UNC13A: variants seen among roughly 807,000 people sequenced by gnomAD.
The protein encoded by UNC13A is protein unc-13 homolog A.
In UNC13A, 61 loss-of-function variants were observed where a neutral mutation model predicts 219.7. That is an observed-to-expected ratio of 0.28 (90% confidence interval 0.23 to 0.34). UNC13A has a LOEUF of 0.34. UNC13A is among the 10% of genes least tolerant of loss of function. The pLI is 1.00. For missense variants in UNC13A, 1,476 were observed against 2,270.3 expected, an observed-to-expected ratio of 0.65 and a Z score of 7.11; for synonymous variants, 920 against 884.6, an observed-to-expected ratio of 1.04 and a Z score of -0.71.
rs1008076531 is a variant in UNC13A at position 17,627,781 on chromosome 19, G to C, written c.3831+82C>G. 9 of 1,443,774 alleles carry C rather than the reference G, an allele frequency of 6.2e-6. No homozygotes were observed. In the Admixed American group the frequency reaches 1.4e-4, roughly 22 times the overall value. 89.4% of individuals were successfully genotyped at this position (1,443,774 alleles called of 1,614,324 possible). A position where few individuals can be genotyped will look rare whatever the true frequency, so the allele number is the denominator to read the frequency against. Reference sequence around the variant, plus strand: ...CTGGAATTCATCCCCAGGCCTGGTGGCATATGAGCTCAGGGGCCTGCAGGG... The same window carrying C: ...CTGGAATTCATCCCCAGGCCTGGTGCCATATGAGCTCAGGGGCCTGCAGGG... On this transcript the variant is annotated intron_variant, in intron 32 of 43. Coordinates refer to ENST00000519716, the MANE Select transcript of UNC13A (RefSeq NM_001080421.3). This position sits in a 1 kb window ranked among gnomAD's most constrained non-coding sequence, Gnocchi z 4.7.
Position 17,676,201 on chromosome 19 carries a change from A to T in UNC13A, c.23-160T>A, listed in dbSNP as rs559720232. On this transcript the variant is annotated intron_variant, in intron 1 of 43. Transcript: ENST00000519716. ...ATAAAAAGCAAAAGAGACAGATGTT[A>T]AAAAAGAAAGATAGAAGCAATGTCA... The T allele has an allele frequency of 2.2e-5, 18 of 809,600 alleles. No homozygotes were observed. The African/African-American group carries it at 2.5e-4, about 11-fold the overall frequency. The allele number at this position is 809,600 out of a possible 1,614,324, so 50.2% of individuals were successfully genotyped here. A position where few individuals can be genotyped will look rare whatever the true frequency, so the allele number is the denominator to read the frequency against.
In UNC13A at chr19:17,649,543, C is replaced by G; in HGVS notation, c.1484G>C (p.Arg495Pro). 6.2e-7 allele frequency: 1 copy of G among 1,613,860 alleles called. No individual in the cohort carries two copies. Among genetic ancestry groups the G allele is most frequent in the South Asian group, 1.1e-5 (1 of 91,074 alleles). The change falls in exon 13 of 44, where the codon CGC becomes CCC. Residue 495 changes from arginine to proline, a missense_variant. Around this residue, in one of 14 missense-constraint regions of UNC13A, gnomAD observed 85 missense variants for 211.5 expected, o/e 0.40. Transcript: ENST00000519716. This position sits in a 1 kb window ranked among gnomAD's most constrained non-coding sequence, Gnocchi z 4.4. The stretch of plus-strand genomic sequence containing the variant: ...CACGAGTGGGATAGGTTTCCTCTTG[C>G]GGATGTCTGGCATGCTGTCGATGAT... ...LIIIDSMPDI[R>P]KRKPIPLVSD...
chr19:17,663,218 G>C (rs1240135637), intron 8 of UNC13A, among the ~76,000 whole-genome samples: 1 of 152,018 alleles, frequency 6.6e-6, no homozygotes, highest in Non-Finnish European at 1.5e-5. Context: ...ACGGCGGAGT[G>C]GGGTGCGGGG....
chr19:17,653,967 C>T (rs2079402308), intron 11 of UNC13A, among the ~76,000 whole-genome samples: 1 of 151,936 alleles, frequency 6.6e-6, no homozygotes, highest in Non-Finnish European at 1.5e-5. Flanking sequence ...GCTGGGACTA[C>T]AGGCGCCTGC....
intron 2 of UNC13A, among the ~76,000 whole-genome samples, chr19:17,675,273 G>A (rs2079875166): frequency 6.6e-6 from 1 of 151,972 alleles, no homozygotes; most frequent in African/African-American, 2.4e-5. Context: ...GGTTGAGGCT[G>A]TAGTAAAACA....
At chr19:17,660,964 G>A (rs1405897503) in intron 8 of UNC13A, among the ~76,000 whole-genome samples, 1 of 151,578 alleles carries the variant, frequency 6.6e-6, no homozygotes, top group Non-Finnish European at 1.5e-5. Flanking sequence ...TTAGAGACAG[G>A]GTCTCACACT....
intron 7 of UNC13A, among the ~76,000 whole-genome samples, chr19:17,666,071 T>C: frequency 4.6e-5 from 7 of 150,996 alleles, no homozygotes; most frequent in African/African-American, 1.5e-4. Flanking sequence ...CTCTTTCCTT[T>C]CCTTCCTTTC....
rs1293421672 is a variant in UNC13A, at chr19:17,674,599, C to T, written c.152+58G>A. ...CAGTGTCCAGCTCTGCCCTGAGGGGCCAGCGAGGTGCTGGGCTATGCCAGG... is the reference window on the plus strand; with the variant it reads ...CAGTGTCCAGCTCTGCCCTGAGGGGTCAGCGAGGTGCTGGGCTATGCCAGG... On this transcript the variant is annotated intron_variant, in intron 3 of 43. Transcript: ENST00000519716. This position sits in a 1 kb window ranked among gnomAD's most constrained non-coding sequence, Gnocchi z 5.0. The T allele has an allele frequency of 3.3e-6, 5 of 1,513,304 alleles. No homozygotes were observed. The highest frequency in any genetic ancestry group is 4.6e-6 in the Non-Finnish European group (5 of 1,093,576). The allele number at this position is 1,513,304 out of a possible 1,614,324, so 93.7% of individuals were successfully genotyped here.
At chr19:17,631,961 A>C (rs947293807) in intron 28 of UNC13A, among the ~76,000 whole-genome samples, 2 of 152,054 alleles carry the variant, frequency 1.3e-5, no homozygotes, top group Non-Finnish European at 2.9e-5. Flanking sequence ...CCCCAGCTGG[A>C]ATCCAGTGGT....
intron 36 of UNC13A, chr19:17,622,765 C>G (rs2076741968): frequency 6.5e-6 from 1 of 153,520 alleles, no homozygotes; most frequent in Non-Finnish European, 1.5e-5. Context: ...TGGGTTCAGG[C>G]AATACTGAGA....
In UNC13A at chr19:17,639,991, A is replaced by G; in HGVS notation, c.2788-83T>C. On this transcript the variant is annotated intron_variant, in intron 22 of 43. Transcript: ENST00000519716. ...GCTGAGCGCCTACTGTACAGTAAGT[A>G]TACCTCATCCACCACCCTCATAATG... The G allele has an allele frequency of 3.0e-6, 4 of 1,336,158 alleles. No homozygotes were observed. The South Asian group carries it at 4.7e-5, about 16-fold the overall frequency. 82.8% of individuals were successfully genotyped at this position (1,336,158 alleles called of 1,614,324 possible).
chr19:17,647,428 G>C lies in UNC13A; in HGVS notation c.1881C>G (p.Leu627=), dbSNP rs754998156. ...EDRTQNIIMV[L]KDRMKIRERN... Reference sequence around the variant, plus strand: ...GCTCCCGGATCTTCATGCGGTCCTTGAGCACCATGATGATGTTCTGTGTCC... The same window carrying C: ...GCTCCCGGATCTTCATGCGGTCCTTCAGCACCATGATGATGTTCTGTGTCC... The change falls in exon 17 of 44, where the codon CTC becomes CTG. Residue 627 remains leucine (L), a synonymous_variant. Transcript: ENST00000519716. 55 of 1,613,622 alleles carry C rather than the reference G, an allele frequency of 3.4e-5. No homozygotes were observed. Among genetic ancestry groups the C allele is most frequent in the Middle Eastern group, 1.6e-4 (1 of 6,082 alleles).
Position 17,669,676 on chromosome 19 carries a change from C to T in UNC13A, c.271G>A (p.Glu91Lys). ...AGCGTCAGCCACTCTCCAGGGCCCT[C>T]CTGGGGGTTGGGGGAGGAGGTGTGT... Reference protein sequence around the residue: ...PLRTIRQSNEEGPGEWLTLDS... With the variant: ...PLRTIRQSNEKGPGEWLTLDS... Residue 91 changes from glutamate to lysine, a missense_variant and splice_region_variant, in exon 5 of 44, where the codon GAG (glutamate) becomes AAG (lysine). Glu to Lys is a moderately conservative substitution (Grantham distance 56). Coordinates refer to ENST00000519716, the MANE Select transcript of UNC13A (RefSeq NM_001080421.3). 6.2e-7 allele frequency: 1 copy of T among 1,607,502 alleles called. No homozygotes were observed. The highest frequency in any genetic ancestry group is 8.5e-7 in the Non-Finnish European group (1 of 1,177,152).
In UNC13A at chr19:17,617,805, C is replaced by G. The variant is rs752732706; in HGVS notation, c.4455G>C (p.Leu1485=). 6.2e-7 allele frequency: 1 copy of G among 1,613,948 alleles called. No individual in the cohort carries two copies. The highest frequency in any genetic ancestry group is 8.5e-7 in the Non-Finnish European group (1 of 1,179,850). The change falls in exon 41 of 44, where the codon CTG becomes CTC. Residue 1485 remains leucine (L), a synonymous_variant. Transcript: ENST00000519716. Reference sequence around the variant, plus strand: ...AGGATTGCAGGTCCGGGCTCTTCTCCAGGAAGGTCTTCTTGAGGCCCACGC... The same window carrying G: ...AGGATTGCAGGTCCGGGCTCTTCTCGAGGAAGGTCTTCTTGAGGCCCACGC... ...AGGVGLKKTF[L]EKSPDLQSLR...
intron 12 of UNC13A, among the ~76,000 whole-genome samples, chr19:17,652,304 G>A (rs916966711): frequency 1.3e-5 from 2 of 151,942 alleles, no homozygotes; most frequent in African/African-American, 2.4e-5. Context: ...GCTAATTTTT[G>A]TGTTTTTAGT....
chr19:17,681,173 C>A (rs116035892), intron 1 of UNC13A, among the ~76,000 whole-genome samples: 2,033 of 144,362 alleles, frequency 0.014, 24 homozygotes, highest in Middle Eastern at 0.032. Flanking sequence ...GTTGGAATTA[C>A]AGGCGTGAAC....
chr19:17,631,027 C>T (rs557729413), intron 28 of UNC13A, among the ~76,000 whole-genome samples: 1 of 124,898 alleles, frequency 8.0e-6, no homozygotes, highest in Non-Finnish European at 1.7e-5. Context: ...GGTTTATTCT[C>T]TGAGTCCTCT....
chr19:17,639,983 C>G, intron 22 of UNC13A, 75 bp from the exon 23 acceptor site: 1 of 1,426,580 alleles, frequency 7.0e-7, no homozygotes, highest in Non-Finnish European at 9.9e-7. Flanking sequence ...GCCTACTGTA[C>G]AGTAAGTATA....
rs757211083 is a variant in UNC13A at position 17,655,286 on chromosome 19, C to T, written c.1380G>A (p.Met460Ile). ...NWLRAFNKVR[M>I]QLQEARGEGE... ...GCGTGTCACTCACCTCCTGCAGCTG[C>T]ATCCGCACCTTGTTGAAGGCACGCA... Residue 460 changes from methionine (M) to isoleucine (I), a missense_variant, in exon 11 of 44, where the codon ATG becomes ATA. By Grantham distance (10) the Met-to-Ile change is conservative. This residue lies in a region of UNC13A where 351 missense variants were observed against 342.6 expected (regional missense o/e 1.02). Transcript: ENST00000519716. 11 of 1,577,006 alleles carry T rather than the reference C, an allele frequency of 7.0e-6. No homozygotes were observed. The highest frequency in any genetic ancestry group is 9.5e-6 in the Non-Finnish European group (11 of 1,163,422).
Sources: gnomAD v4.1 joint callset for allele counts (sites outside exome capture counted in the v4.1 genomes callset) on GRCh38, gnomAD v4.1.1 for gene constraint, gnomAD v4.1.1 regional missense constraint, Gnocchi (gnomAD v3.1) non-coding constraint, MANE v1.5 for transcripts, NCBI Gene and HGNC (gene_info 2026-07-23, HGNC 2026-07-21) for gene names.